The following TUT7 variants were observed in gnomAD, a reference collection of about 807,000 sequenced individuals.
TUT7 encodes the protein terminal uridylyl transferase 7.
Under a neutral mutation model 165.9 loss-of-function variants are expected in TUT7, and 33 were observed. That is an observed-to-expected ratio of 0.20 (90% CI 0.15 to 0.27). TUT7 has a LOEUF of 0.27. Among genes scored for constraint, TUT7 ranks in the 10% least tolerant of loss-of-function variants. The pLI, the probability that TUT7 is intolerant of heterozygous loss-of-function variation, is 1.00. For synonymous variants in TUT7, 552 were observed against 608.1 expected, an observed-to-expected ratio of 0.91 and a Z score of 1.36; for missense variants, 1,338 against 1,762.3, an observed-to-expected ratio of 0.76 and a Z score of 4.31.
At chr9:86,342,463 AT>A (rs1831405536) in intron 6 of TUT7, among the ~76,000 whole-genome samples, 1 of 152,082 alleles carries the variant, frequency 6.6e-6, no homozygotes, top group Non-Finnish European at 1.5e-5. Flanking sequence ...TGCAGTGGCA[AT>A]TCTCAAGTGC....
chr9:86,337,866 A>C (rs1330054605), intron 9 of TUT7, among the ~76,000 whole-genome samples: 1 of 152,210 alleles, frequency 6.6e-6, no homozygotes, highest in East Asian at 1.9e-4. Flanking sequence ...TAATGAATTA[A>C]AAACGATTGT....
intron 17 of TUT7, among the ~76,000 whole-genome samples, chr9:86,314,050 A>G (rs1443828348): frequency 1.3e-5 from 2 of 152,164 alleles, no homozygotes; most frequent in Non-Finnish European, 2.9e-5. Context: ...AATGCCATAG[A>G]ATTGTTATTT....
intron 14 of TUT7, among the ~76,000 whole-genome samples, chr9:86,320,411 C>T (rs1465058091): frequency 6.6e-6 from 1 of 152,170 alleles, no homozygotes; most frequent in African/African-American, 2.4e-5. Flanking sequence ...AGGCTCTCTA[C>T]ACCAATGCTT....
At chr9:86,315,533 C>T (rs1373297533) in intron 17 of TUT7, among the ~76,000 whole-genome samples, 5 of 152,102 alleles carry the variant, frequency 3.3e-5, no homozygotes, top group Non-Finnish European at 7.4e-5. Context: ...TGCTGCTTTC[C>T]TTTAAATGTG....
rs375818524 is a variant in TUT7, at chr9:86,327,976, T to C, written c.1608+364A>G. Among the ~76,000 whole-genome samples the C allele has an allele frequency of 1.1e-4, 16 of 152,302 alleles. No homozygotes were observed. In the South Asian group the frequency reaches 1.9e-3, roughly 18 times the overall value. On this transcript the variant is annotated intron_variant, in intron 11 of 26. Transcript: ENST00000375963. Reference sequence around the variant, plus strand: ...CCCCCAACAGTATGGGACCGGTACATTAAATCATATATGCATTCACTGTTA... The same window carrying C: ...CCCCCAACAGTATGGGACCGGTACACTAAATCATATATGCATTCACTGTTA...
At chr9:86,336,056 T>C (rs1587980665) in intron 10 of TUT7, among the ~76,000 whole-genome samples, 1 of 152,206 alleles carries the variant, frequency 6.6e-6, no homozygotes, top group Non-Finnish European at 1.5e-5. Context: ...TGCATTCTCA[T>C]GTTAATGACA....
chr9:86,353,231 C>T lies in TUT7; in HGVS notation c.-31-1G>A. The T allele has an allele frequency of 6.5e-7, 1 of 1,528,888 alleles. No individual in the cohort carries two copies. Among genetic ancestry groups the T allele is most frequent in the Non-Finnish European group, 8.7e-7 (1 of 1,145,274 alleles). The allele number at this position is 1,528,888 out of a possible 1,614,324, so 94.7% of individuals were successfully genotyped here. ...TGACTTCAATTTTCTTACTTTGCAC[C>T]TGAAAGAAGGTATTTTGGGGAAATA... On this transcript the variant is annotated splice_acceptor_variant, in intron 1 of 26. Coordinates refer to ENST00000375963, the MANE Select transcript of TUT7 (RefSeq NM_024617.4). LOFTEE classifies it low-confidence loss of function (5UTR_SPLICE).
chr9:86,317,442 T>G lies in TUT7; in HGVS notation c.3217-166A>C, dbSNP rs144378430. On this transcript the variant is annotated intron_variant, in intron 16 of 26. Transcript: ENST00000375963. ...TTAGAGTCAGTATTCACAGGAAATATCCTGACGGTACAAAAACCACTAAAT... is the reference window on the plus strand; with the variant it reads ...TTAGAGTCAGTATTCACAGGAAATAGCCTGACGGTACAAAAACCACTAAAT... 2.3e-3 allele frequency among the ~76,000 whole-genome samples: 356 copies of G among 152,314 alleles called. 1 individual carries two copies. Among genetic ancestry groups the G allele is most frequent in the African/African-American group, 8.2e-3 (342 of 41,570 alleles).
chr9:86,344,797 G>A lies in TUT7; in HGVS notation c.997+180C>T, dbSNP rs967723866. On this transcript the variant is annotated intron_variant, in intron 5 of 26. Transcript: ENST00000375963. ...ATGGAAACAGGTTTATAATGACAATGCATATGAAAGTCCTTGTTACCTTAG... is the reference window on the plus strand; with the variant it reads ...ATGGAAACAGGTTTATAATGACAATACATATGAAAGTCCTTGTTACCTTAG... The A allele has an allele frequency of 5.1e-6, 3 of 586,684 alleles. No homozygotes were observed. The African/African-American group carries it at 5.7e-5, about 11-fold the overall frequency. 36.3% of individuals were successfully genotyped at this position (586,684 alleles called of 1,614,324 possible). A position where few individuals can be genotyped will look rare whatever the true frequency, so the allele number is the denominator to read the frequency against.
At chr9:86,338,123 T>G (rs1028059749) in intron 9 of TUT7, among the ~76,000 whole-genome samples, 4 of 152,028 alleles carry the variant, frequency 2.6e-5, no homozygotes, top group African/African-American at 9.7e-5. Context: ...TCATTCAGGA[T>G]CCAAGAAACG....
At chr9:86,317,466 A>G (rs1314182373) in intron 16 of TUT7, among the ~76,000 whole-genome samples, 190 bp from the exon 17 acceptor site, 1 of 152,216 alleles carries the variant, frequency 6.6e-6, no homozygotes, top group Non-Finnish European at 1.5e-5. Context: ...AAACCACTAA[A>G]TACCCTACTT....
intron 5 of TUT7, 177 bp downstream of exon 5, chr9:86,344,800 T>G: frequency 1.7e-6 from 1 of 601,998 alleles, no homozygotes; most frequent in Non-Finnish European, 2.8e-6. Context: ...TGACAATGCA[T>G]ATGAAAGTCC....
intron 10 of TUT7, among the ~76,000 whole-genome samples, chr9:86,335,442 G>A (rs530967997): frequency 1.3e-5 from 2 of 152,288 alleles, no homozygotes; most frequent in African/African-American, 4.8e-5. Context: ...GTTGGAGAGG[G>A]TTGGAGTCTC....
chr9:86,303,841 C>T (rs573387864), intron 24 of TUT7, among the ~76,000 whole-genome samples: 8 of 152,164 alleles, frequency 5.3e-5, no homozygotes, highest in Admixed American at 5.2e-4. Flanking sequence ...GTGATTTGTT[C>T]GAACAAGTTT....
At chr9:86,333,864 T>A (rs1460403141) in intron 10 of TUT7, among the ~76,000 whole-genome samples, 1 of 152,198 alleles carries the variant, frequency 6.6e-6, no homozygotes, top group Non-Finnish European at 1.5e-5. Flanking sequence ...TTAGGATGTT[T>A]ATTGTTTTCT....
chr9:86,304,893 G>A lies in TUT7; in HGVS notation c.3941C>T (p.Pro1314Leu). The change falls in exon 24 of 27, where the codon CCT (proline) becomes CTT (leucine). Residue 1314 changes from proline to leucine, a missense_variant. Around this residue, in one of 7 missense-constraint regions of TUT7, gnomAD observed 157 missense variants for 357.5 expected, o/e 0.44. Transcript: ENST00000375963. ...FINGRRVFGI[P>L]VKGFPKDYPS... ...GTAGTCCTTTGGAAATCCCTTGACA[G>A]GAATACCAAATACTCTTCTACCATT... is the stretch of plus-strand genomic sequence containing the variant. 6.2e-7 allele frequency: 1 copy of A among 1,610,876 alleles called. No homozygotes were observed. The highest frequency in any genetic ancestry group is 2.2e-5 in the East Asian group (1 of 44,830).
At chr9:86,347,174 T>C (rs2131601394) in intron 2 of TUT7, among the ~76,000 whole-genome samples, 1 of 152,312 alleles carries the variant, frequency 6.6e-6, no homozygotes, top group Non-Finnish European at 1.5e-5. Context: ...GCCTGTACAC[T>C]GAGCATATTT....
chr9:86,289,313 G>A (rs1388613628), intron 26 of TUT7, among the ~76,000 whole-genome samples: 2 of 152,066 alleles, frequency 1.3e-5, no homozygotes, highest in Admixed American at 6.5e-5. Flanking sequence ...ATAGATCAAC[G>A]AAAAAACTGA....
intron 16 of TUT7, among the ~76,000 whole-genome samples, chr9:86,318,150 G>C (rs1247132524): frequency 6.6e-6 from 1 of 152,192 alleles, no homozygotes; most frequent in African/African-American, 2.4e-5. Context: ...CATTTGGACT[G>C]CTGTTAAGGA....
Sources: gnomAD v4.1 joint callset for allele counts (sites outside exome capture counted in the v4.1 genomes callset) on GRCh38, gnomAD v4.1.1 for gene constraint, gnomAD v4.1.1 regional missense constraint, MANE v1.5 for transcripts, NCBI Gene and HGNC (gene_info 2026-07-23, HGNC 2026-07-21) for gene names.